The following LASP1NB variants were observed in gnomAD, a reference collection of about 807,000 sequenced individuals.
The protein encoded by LASP1NB is LASP1 neighbor.
chr17:38,926,176 TA>T, the LASP1NB span, among the ~76,000 whole-genome samples: 8 of 152,204 alleles, frequency 5.3e-5, no homozygotes, highest in Non-Finnish European at 1.2e-4. Flanking sequence ...TAATTAAAGG[TA>T]AAACACATCT....
chr17:38,925,622 C>T, the LASP1NB span: 3 of 398,008 alleles, frequency 7.5e-6, no homozygotes, highest in East Asian at 3.6e-5. Context: ...TTCTCTCCAC[C>T]GACTGCAACC....
At chr17:38,927,990 C>G in the LASP1NB span, 2 of 151,698 alleles carry the variant, frequency 1.3e-5, no homozygotes, top group African/African-American at 4.8e-5. Context: ...TGCAGTGAGC[C>G]GAGATCACAC....
the LASP1NB span, chr17:38,929,126 AT>A: frequency 2.0e-4 from 31 of 152,368 alleles, no homozygotes; most frequent in African/African-American, 6.7e-4. Flanking sequence ...TTTTAAAAAA[AT>A]AAATCAATAC....
chr17:38,927,988 G>A, the LASP1NB span: 7 of 151,734 alleles, frequency 4.6e-5, no homozygotes, highest in African/African-American at 1.7e-4. Context: ...GTTGCAGTGA[G>A]CCGAGATCAC....
At chr17:38,925,854 G>T in the LASP1NB span, 1 of 397,890 alleles carries the variant, frequency 2.5e-6, no homozygotes, top group South Asian at 1.3e-4. Flanking sequence ...CCTGCTTGCT[G>T]ACGCACCGGT....
chr17:38,926,307 G>A, the LASP1NB span: 1 of 152,184 alleles, frequency 6.6e-6, no homozygotes, highest in Non-Finnish European at 1.5e-5. Flanking sequence ...ACTTGGGGTG[G>A]GGTTTTCGGG....
the LASP1NB span, among the ~76,000 whole-genome samples, chr17:38,926,198 G>A: frequency 6.6e-6 from 1 of 152,168 alleles, no homozygotes. Flanking sequence ...TTGCATGTCA[G>A]CATACTTGCA....
chr17:38,928,271 C>A, the LASP1NB span: 4 of 152,100 alleles, frequency 2.6e-5, no homozygotes, highest in South Asian at 2.1e-4. Context: ...TATAGCGAGA[C>A]CCCCGTCTCC....
At chr17:38,928,629 G>T in the LASP1NB span, 1 of 152,116 alleles carries the variant, frequency 6.6e-6, no homozygotes, top group Non-Finnish European at 1.5e-5. Flanking sequence ...GTATGATACT[G>T]CATCGTGGTA....
chr17:38,926,553 G>C, the LASP1NB span: 1 of 152,170 alleles, frequency 6.6e-6, no homozygotes, highest in Non-Finnish European at 1.5e-5. Context: ...GAGGCACTTG[G>C]CTGGGACTTC....
At chr17:38,926,039 A>C in the LASP1NB span, 2 of 293,794 alleles carry the variant, frequency 6.8e-6, no homozygotes, top group Non-Finnish European at 1.2e-5. Flanking sequence ...TACAAATAAA[A>C]TCCACAATGT....
the LASP1NB span, chr17:38,926,986 T>G: frequency 4.6e-5 from 7 of 152,178 alleles, no homozygotes; most frequent in African/African-American, 1.7e-4. Flanking sequence ...CAGTTTCTCA[T>G]TTAAAGGGAG....
chr17:38,925,623 G>T, the LASP1NB span: 3 of 398,062 alleles, frequency 7.5e-6, no homozygotes, highest in South Asian at 3.9e-4. Flanking sequence ...TCTCTCCACC[G>T]ACTGCAACCT....
chr17:38,927,932 C>G, the LASP1NB span: 1 of 152,112 alleles, frequency 6.6e-6, no homozygotes, highest in Non-Finnish European at 1.5e-5. Flanking sequence ...ATCCCAGCTA[C>G]TCAGGAGGCT....
the LASP1NB span, chr17:38,926,669 T>C: frequency 3.3e-5 from 5 of 152,246 alleles, no homozygotes; most frequent in African/African-American, 9.6e-5. Flanking sequence ...CGTGGAGAAC[T>C]GCTCAAAAAT....
the LASP1NB span, chr17:38,929,346 G>A: frequency 6.6e-6 from 1 of 150,956 alleles, no homozygotes; most frequent in Non-Finnish European, 1.5e-5. Context: ...GTGTCATAGG[G>A]TAATTTTGTC....
At chr17:38,928,318 A>G in the LASP1NB span, 17 of 152,142 alleles carry the variant, frequency 1.1e-4, no homozygotes, top group African/African-American at 3.4e-4. Flanking sequence ...AAATAAATAC[A>G]TAAACTTTAG....
the LASP1NB span, chr17:38,925,631 C>G: frequency 2.5e-6 from 1 of 398,382 alleles, no homozygotes; most frequent in African/African-American, 2.1e-5. Flanking sequence ...CCGACTGCAA[C>G]CTCCGTGCTC....
the LASP1NB span, chr17:38,928,504 CTCT>C: frequency 5.9e-5 from 9 of 152,120 alleles, 1 homozygote; most frequent in East Asian, 1.7e-3. Context: ...AACTGCAAAA[CTCT>C]TTTTTTTTCA....
Sources: gnomAD v4.1 joint callset for allele counts (sites outside exome capture counted in the v4.1 genomes callset) on GRCh38, gnomAD v4.1.1 for gene constraint, MANE v1.5 for transcripts, NCBI Gene and HGNC (gene_info 2026-07-23, HGNC 2026-07-21) for gene names.